GPC5: variants seen among roughly 807,000 people sequenced by gnomAD.
GPC5 encodes glypican-5.
In GPC5, 47 loss-of-function variants were observed where a neutral mutation model predicts 53.9. The observed-to-expected ratio is 0.87, with a 90% CI of 0.69 to 1.11. The LOEUF is 1.11. GPC5 is among the 50% of genes most tolerant of loss of function. The pLI is 0.00. For missense variants in GPC5, 748 were observed against 713.1 expected (o/e 1.05, Z -0.56); for synonymous variants, 286 against 263.3 (o/e 1.09, Z -0.84).
At chr13:92,605,631 G>T (rs970289217) in intron 7 of GPC5, among the ~76,000 whole-genome samples, 3 of 145,740 alleles carry the variant, frequency 2.1e-5, no homozygotes. Context: ...CGCCCAGGCC[G>T]GACTGCGGAC....
In GPC5 at chr13:92,285,449, A is replaced by T. The variant is rs567784770; in HGVS notation, c.1561+140460A>T. Among the ~76,000 whole-genome samples, 11 of 152,338 alleles carry T rather than the reference A, an allele frequency of 7.2e-5. No individual in the cohort carries two copies. The East Asian group carries it at 2.1e-3, about 29-fold the overall frequency. On this transcript the variant is annotated intron_variant, in intron 7 of 7. Coordinates refer to ENST00000377067, the MANE Select transcript of GPC5 (RefSeq NM_004466.6). ...CATTGCCAACTCAATCCTAAGCCAA[A>T]AGAACAAAGCTGGAGGCATCACACT...
chr13:92,261,188 G>C (rs565037001), intron 7 of GPC5, among the ~76,000 whole-genome samples: 1 of 152,222 alleles, frequency 6.6e-6, no homozygotes, highest in East Asian at 1.9e-4. Context: ...AACTAGAAAA[G>C]TGACAACTGA....
chr13:92,045,393 C>T (rs1338908728), intron 6 of GPC5, among the ~76,000 whole-genome samples: 2 of 152,186 alleles, frequency 1.3e-5, no homozygotes, highest in Non-Finnish European at 2.9e-5. Flanking sequence ...TATCACATCA[C>T]TCCTACCAAG....
chr13:92,744,271 T>C (rs1040712124), intron 7 of GPC5, among the ~76,000 whole-genome samples: 5 of 151,772 alleles, frequency 3.3e-5, no homozygotes, highest in African/African-American at 9.7e-5. Flanking sequence ...ATCTACAAGA[T>C]AGGGAAAGTG....
At chr13:92,300,844 A>C (rs1310550330) in intron 7 of GPC5, among the ~76,000 whole-genome samples, 1 of 152,214 alleles carries the variant, frequency 6.6e-6, no homozygotes, top group Non-Finnish European at 1.5e-5. Flanking sequence ...GCAAAATGTG[A>C]GTAACTTTAC....
At chr13:92,049,209 C>T (rs2041007577) in intron 6 of GPC5, among the ~76,000 whole-genome samples, 1 of 152,230 alleles carries the variant, frequency 6.6e-6, no homozygotes, top group East Asian at 1.9e-4. Flanking sequence ...CTGATCAAAA[C>T]TATATACCTA....
chr13:91,809,687 T>C (rs1385950284), intron 5 of GPC5, among the ~76,000 whole-genome samples: 3 of 152,000 alleles, frequency 2.0e-5, no homozygotes, highest in Non-Finnish European at 2.9e-5. Context: ...AAAACTCCCA[T>C]CTCCTGCTTT....
chr13:91,630,969 A>G (rs778023613), intron 2 of GPC5, among the ~76,000 whole-genome samples: 2 of 152,010 alleles, frequency 1.3e-5, no homozygotes, highest in Non-Finnish European at 2.9e-5. Context: ...TCTGTTTTTT[A>G]AAAGCTTACA....
At chr13:92,261,357 T>C (rs991394701) in intron 7 of GPC5, among the ~76,000 whole-genome samples, 10 of 152,138 alleles carry the variant, frequency 6.6e-5, no homozygotes, top group Non-Finnish European at 1.5e-5. Context: ...AGCTCAAGAA[T>C]GCATTTGAAG....
intron 7 of GPC5, among the ~76,000 whole-genome samples, chr13:92,742,345 G>A (rs1223153214): frequency 6.6e-6 from 1 of 152,106 alleles, no homozygotes; most frequent in Non-Finnish European, 1.5e-5. Context: ...GTGATGGTGA[G>A]CATTTTTTCA....
intron 7 of GPC5, among the ~76,000 whole-genome samples, chr13:92,283,328 A>G (rs896944360): frequency 4.6e-5 from 7 of 152,214 alleles, no homozygotes; most frequent in African/African-American, 1.7e-4. Context: ...CATGAGACAG[A>G]TCAACAAGAC....
intron 2 of GPC5, among the ~76,000 whole-genome samples, chr13:91,476,440 G>A (rs4620821): frequency 0.54 from 81,651 of 152,050 alleles, 22,636 homozygotes; most frequent in African/African-American, 0.68. Context: ...CTTCTTACAT[G>A]TGGTTCATGT....
chr13:91,985,393 GAC>G (rs2040397587), intron 6 of GPC5, among the ~76,000 whole-genome samples: 2 of 147,134 alleles, frequency 1.4e-5, no homozygotes, highest in Admixed American at 6.7e-5. Flanking sequence ...TTACTAGTGT[GAC>G]AATCTTTGCC....
intron 6 of GPC5, among the ~76,000 whole-genome samples, chr13:91,976,237 C>T (rs537276696): frequency 3.2e-4 from 48 of 152,168 alleles, no homozygotes; most frequent in African/African-American, 1.0e-3. Flanking sequence ...CTAACCTGCA[C>T]GTTGTGCACA....
chr13:91,523,380 C>G (rs1404816319), intron 2 of GPC5, among the ~76,000 whole-genome samples: 1 of 152,126 alleles, frequency 6.6e-6, no homozygotes, highest in Non-Finnish European at 1.5e-5. Context: ...TCTATAGACA[C>G]ATGAAATATT....
intron 2 of GPC5, among the ~76,000 whole-genome samples, chr13:91,594,669 T>C (rs1298616916): frequency 6.6e-6 from 1 of 152,128 alleles, no homozygotes; most frequent in African/African-American, 2.4e-5. Context: ...TATTTATTGA[T>C]AGCCTTTAAT....
chr13:92,184,579 A>G (rs2042171102), intron 7 of GPC5, among the ~76,000 whole-genome samples: 1 of 152,222 alleles, frequency 6.6e-6, no homozygotes, highest in Non-Finnish European at 1.5e-5. Flanking sequence ...AGGAATCCCC[A>G]GTGAAAGATT....
intron 7 of GPC5, among the ~76,000 whole-genome samples, chr13:92,530,895 A>T (rs1881540939): frequency 1.3e-5 from 2 of 152,132 alleles, no homozygotes. Context: ...CTTTCCAGGG[A>T]TCTCCATATA....
chr13:91,489,915 A>G lies in GPC5; in HGVS notation c.325+40993A>G, dbSNP rs140470907. The stretch of plus-strand genomic sequence containing the variant: ...CTGTTTTTCATGATCACTCTTAAGC[A>G]TCTTTGGAAATTTGTACCACATGCA... On this transcript the variant is annotated intron_variant, in intron 2 of 7. Coordinates refer to ENST00000377067, the MANE Select transcript of GPC5 (RefSeq NM_004466.6). 2.4e-3 allele frequency among the ~76,000 whole-genome samples: 371 copies of G among 152,328 alleles called. 1 individual carries two copies. Among genetic ancestry groups the G allele is most frequent in the African/African-American group, 8.6e-3 (357 of 41,578 alleles).
Sources: gnomAD v4.1 joint callset for allele counts (sites outside exome capture counted in the v4.1 genomes callset) on GRCh38, gnomAD v4.1.1 for gene constraint, MANE v1.5 for transcripts, NCBI Gene and HGNC (gene_info 2026-07-23, HGNC 2026-07-21) for gene names.